Variants in THSD7B observed in about 807,000 individuals in gnomAD.
The protein encoded by THSD7B is thrombospondin type-1 domain-containing protein 7B.
Under a neutral mutation model 213.6 loss-of-function variants are expected in THSD7B, and 138 were observed. The ratio of observed to expected loss-of-function variants is 0.65; its 90% CI spans 0.56 to 0.74. THSD7B has a LOEUF of 0.74. Among genes scored for constraint, THSD7B ranks in the 30% least tolerant of loss-of-function variants. The pLI is 0.00. For missense variants in THSD7B, 1,931 were observed against 1,991.5 expected (o/e 0.97, Z 0.58); for synonymous variants, 742 against 687.0 (o/e 1.08, Z -1.25).
At chr2:136,904,887 C>T (rs1290282950) in intron 2 of THSD7B, among the ~76,000 whole-genome samples, 1 of 152,194 alleles carries the variant, frequency 6.6e-6, no homozygotes, top group Non-Finnish European at 1.5e-5. Context: ...TTTTGCTCTT[C>T]TGAGAACTTT....
intron 2 of THSD7B, among the ~76,000 whole-genome samples, chr2:136,970,038 G>T (rs995747816): frequency 5.9e-5 from 9 of 152,008 alleles, no homozygotes; most frequent in African/African-American, 1.9e-4. Flanking sequence ...AGAAATAGGA[G>T]AAAATATTTT....
At chr2:137,273,738 A>G (rs1255270981) in intron 11 of THSD7B, among the ~76,000 whole-genome samples, 1 of 152,052 alleles carries the variant, frequency 6.6e-6, no homozygotes, top group Non-Finnish European at 1.5e-5. Context: ...GAGGATGTAA[A>G]TAAACACTGG....
chr2:137,422,243 G>A (rs2105027727), intron 14 of THSD7B, among the ~76,000 whole-genome samples: 1 of 152,312 alleles, frequency 6.6e-6, no homozygotes, highest in Admixed American at 6.5e-5. Flanking sequence ...AATGAAGAAA[G>A]CAAATATGGG....
intron 14 of THSD7B, among the ~76,000 whole-genome samples, chr2:137,435,138 T>C (rs1449460158): frequency 6.6e-6 from 1 of 152,206 alleles, no homozygotes; most frequent in African/African-American, 2.4e-5. Flanking sequence ...ATTCTGGATT[T>C]CTCATTAGTT....
At chr2:137,576,782 G>A (rs1681468916) in intron 17 of THSD7B, among the ~76,000 whole-genome samples, 1 of 147,954 alleles carries the variant, frequency 6.8e-6, no homozygotes, top group Non-Finnish European at 1.5e-5. Context: ...AAGCATTTGA[G>A]GTTAAGAAAA....
chr2:136,847,023 A>AT (rs202199699), intron 1 of THSD7B, among the ~76,000 whole-genome samples: 2,297 of 151,962 alleles, frequency 0.015, 55 homozygotes, highest in African/African-American at 0.053. Context: ...TAATTTTTCT[A>AT]TTTTTTTTCC....
chr2:137,662,074 T>C (rs923891989), intron 25 of THSD7B, among the ~76,000 whole-genome samples: 3 of 148,422 alleles, frequency 2.0e-5, no homozygotes, highest in African/African-American at 5.0e-5. Flanking sequence ...TTTTTTTTTT[T>C]TTTTTGAGAT....
At position 137,061,049 on chromosome 2, in the gene THSD7B, A is replaced by T. The variant is rs190030417; in HGVS notation, c.950+3819A>T. On this transcript the variant is annotated intron_variant, in intron 3 of 27. Transcript: ENST00000409968. ...GGGTCTTGGAGGGTTTTTTAAAAAA[A>T]ATATATCTTGTACATATTGTGTCAG... 3.5e-3 allele frequency among the ~76,000 whole-genome samples: 535 copies of T among 151,938 alleles called. 1 individual carries two copies. The highest frequency in any genetic ancestry group is 5.8e-3 in the Admixed American group (89 of 15,272).
At chr2:137,534,980 A>G (rs1255354763) in intron 15 of THSD7B, among the ~76,000 whole-genome samples, 1 of 150,974 alleles carries the variant, frequency 6.6e-6, no homozygotes, top group Non-Finnish European at 1.5e-5. Context: ...TGCCTTAATT[A>G]TGCATAAAAA....
intron 10 of THSD7B, among the ~76,000 whole-genome samples, chr2:137,266,773 G>A (rs960975599): frequency 1.3e-5 from 2 of 152,080 alleles, no homozygotes; most frequent in African/African-American, 4.8e-5. Flanking sequence ...CTGGCCACAC[G>A]TTCATCTCCA....
chr2:137,654,650 T>C (rs1230492012), intron 21 of THSD7B, among the ~76,000 whole-genome samples: 1 of 152,192 alleles, frequency 6.6e-6, no homozygotes, highest in Non-Finnish European at 1.5e-5. Context: ...TACCACTTAC[T>C]GAGTTTTTTC....
intron 5 of THSD7B, among the ~76,000 whole-genome samples, chr2:137,135,920 C>T (rs905576958): frequency 2.6e-5 from 4 of 151,882 alleles, no homozygotes; most frequent in African/African-American, 9.7e-5. Flanking sequence ...ATATTGTGAA[C>T]TACTTGATAA....
chr2:137,283,568 T>G (rs1249991193), intron 12 of THSD7B, among the ~76,000 whole-genome samples: 2 of 152,132 alleles, frequency 1.3e-5, no homozygotes, highest in Non-Finnish European at 2.9e-5. Context: ...TTTGAGATAC[T>G]TCCCATCAAT....
At chr2:137,024,193 G>A (rs1686500773) in intron 2 of THSD7B, among the ~76,000 whole-genome samples, 2 of 152,114 alleles carry the variant, frequency 1.3e-5, no homozygotes, top group Non-Finnish European at 2.9e-5. Flanking sequence ...AACATTCCTG[G>A]ACGCGATCTG....
At position 137,237,090 on chromosome 2, in the gene THSD7B, G is replaced by C. The variant is rs535695758; in HGVS notation, c.2150+3957G>C. 4.1e-4 allele frequency among the ~76,000 whole-genome samples: 54 copies of C among 133,182 alleles called. 2 individuals are homozygous for C. In the South Asian group the frequency reaches 0.01, roughly 25 times the overall value. The allele number at this position is 133,182 out of a possible 152,430, so 87.4% of individuals were successfully genotyped here. ...GGCACGCCATTACACTCCAGCCTGGGCAATAAGAGAGAAACTCCGTCTCAA... is the reference window on the plus strand; with the variant it reads ...GGCACGCCATTACACTCCAGCCTGGCCAATAAGAGAGAAACTCCGTCTCAA... On this transcript the variant is annotated intron_variant, in intron 9 of 27. Coordinates refer to ENST00000409968, the MANE Select transcript of THSD7B (RefSeq NM_001316349.2).
chr2:137,584,732 G>A (rs1487116470), intron 17 of THSD7B, among the ~76,000 whole-genome samples: 6 of 152,178 alleles, frequency 3.9e-5, no homozygotes, highest in African/African-American at 1.4e-4. Flanking sequence ...GCTGGATTCG[G>A]TTTGCAAGTA....
chr2:137,024,436 G>A (rs1303348013), intron 2 of THSD7B, among the ~76,000 whole-genome samples: 4 of 152,110 alleles, frequency 2.6e-5, no homozygotes, highest in African/African-American at 9.7e-5. Context: ...AGGATAGTAC[G>A]TTTCTATCAT....
chr2:136,906,874 A>G (rs1017729995), intron 2 of THSD7B, among the ~76,000 whole-genome samples: 10 of 149,806 alleles, frequency 6.7e-5, no homozygotes, highest in African/African-American at 2.0e-4. Flanking sequence ...TGTAGAAAGT[A>G]TGAAGCTATG....
intron 12 of THSD7B, among the ~76,000 whole-genome samples, chr2:137,299,848 T>A (rs1421523266): frequency 1.3e-5 from 2 of 152,156 alleles, no homozygotes; most frequent in Admixed American, 1.3e-4. Flanking sequence ...TAGATATGAT[T>A]TTTAAATTTT....
Sources: allele counts gnomAD v4.1 joint callset (sites outside exome capture counted in the v4.1 genomes callset), GRCh38; gene constraint gnomAD v4.1.1; transcripts MANE v1.5; gene names NCBI Gene and HGNC (gene_info 2026-07-23, HGNC 2026-07-21).